The following CFAP69 variants were observed in gnomAD, a reference collection of about 807,000 sequenced individuals.
CFAP69 encodes the protein cilia and flagella associated protein 69, also known as cilia- and flagella-associated protein 69.
CFAP69 carries 92 observed loss-of-function variants against 123.0 expected under a neutral mutation model. The ratio of observed to expected loss-of-function variants is 0.75; its 90% CI spans 0.63 to 0.89. The LOEUF (loss-of-function observed/expected upper bound fraction) is 0.89. CFAP69 is among the 40% of genes least tolerant of loss of function. The probability of loss-of-function intolerance (pLI) is 0.00; values close to 1 mark genes in which losing one functional copy is unlikely to be tolerated. For missense variants in CFAP69, 1,067 were observed against 1,096.9 expected, an observed-to-expected ratio of 0.97 and a Z score of 0.39; for synonymous variants, 380 against 364.3, an observed-to-expected ratio of 1.04 and a Z score of -0.49.
At chr7:90,287,212 A>G (rs376459680) in intron 14 of CFAP69, among the ~76,000 whole-genome samples, 4 of 151,614 alleles carry the variant, frequency 2.6e-5, no homozygotes, top group African/African-American at 9.7e-5. Context: ...CTGTTCCCCT[A>G]TTGATAGATA....
chr7:90,300,417 ATT>A, intron 17 of CFAP69: 1 of 851,088 alleles, frequency 1.2e-6, no homozygotes, highest in Non-Finnish European at 1.4e-6. Context: ...ATATTTTGGT[ATT>A]TTATACATTT....
intron 13 of CFAP69, among the ~76,000 whole-genome samples, chr7:90,285,403 G>A (rs1190080023): frequency 6.6e-6 from 1 of 151,994 alleles, no homozygotes; most frequent in Admixed American, 6.6e-5. Context: ...CTTTAACCGA[G>A]AAAAAGTCAC....
At chr7:90,288,504 C>A in intron 15 of CFAP69, 152 bp downstream of exon 15, 1 of 816,698 alleles carries the variant, frequency 1.2e-6, no homozygotes, top group Non-Finnish European at 1.8e-6. Context: ...ATGGTATAGC[C>A]TACTACACAC....
intron 18 of CFAP69, chr7:90,304,464 A>G: frequency 1.6e-6 from 2 of 1,227,328 alleles, no homozygotes; most frequent in Non-Finnish European, 2.0e-6. Flanking sequence ...AACACTCTTC[A>G]GCTTCTGAAG....
At chr7:90,298,577 AAAATTATTT>A (rs1229354953) in intron 16 of CFAP69, among the ~76,000 whole-genome samples, 2 of 152,220 alleles carry the variant, frequency 1.3e-5, no homozygotes, top group Non-Finnish European at 2.9e-5. Context: ...CAAAAGTGCT[AAAATTATTT>A]GTGCCCCTTA....
At chr7:90,287,246 C>T (rs1214554758) in intron 14 of CFAP69, among the ~76,000 whole-genome samples, 1 of 152,066 alleles carries the variant, frequency 6.6e-6, no homozygotes, top group Non-Finnish European at 1.5e-5. Context: ...TTTTTATTTA[C>T]AGCTATAATG....
downstream of CFAP69, among the ~76,000 whole-genome samples, chr7:90,314,577 C>T (rs565776105): frequency 1.6e-4 from 24 of 149,952 alleles, no homozygotes; most frequent in South Asian, 5.1e-3. Flanking sequence ...TGCAGTGAGC[C>T]GTGATTGCAC....
At position 90,262,009 on chromosome 7, in the gene CFAP69, C is replaced by A. The variant is rs1410333272; in HGVS notation, c.309C>A (p.Asn103Lys). The A allele has an allele frequency of 6.2e-7, 1 of 1,603,460 alleles. No homozygotes were observed. The highest frequency in any genetic ancestry group is 8.5e-7 in the Non-Finnish European group (1 of 1,175,810). Residue 103 changes from asparagine to lysine, a missense_variant, in exon 4 of 23, where the codon AAC becomes AAA. Transcript: ENST00000389297. ...ATCTGTGTTCAGGAAAAATAAAAAA[C>A]CAGCCTCGTTTTATAGAATCTGCAT... is the stretch of plus-strand genomic sequence containing the variant. ...ILNLCSGKIK[N>K]QPRFIESAYD...
intron 21 of CFAP69, among the ~76,000 whole-genome samples, chr7:90,308,819 A>T (rs189923255): frequency 6.6e-6 from 1 of 152,176 alleles, no homozygotes; most frequent in East Asian, 1.9e-4. Flanking sequence ...AATAGCTTAA[A>T]TATAACTGCA....
At chr7:90,302,816 A>G (rs1423445529) in intron 17 of CFAP69, 4 of 152,112 alleles carry the variant, frequency 2.6e-5, no homozygotes, top group East Asian at 1.9e-4. Context: ...TTCTGGTTCC[A>G]TATGATTTTT....
chr7:90,289,811 G>A (rs911334735), intron 15 of CFAP69, among the ~76,000 whole-genome samples: 1 of 152,170 alleles, frequency 6.6e-6, no homozygotes, highest in African/African-American at 2.4e-5. Context: ...GGTGTAAGGT[G>A]AGGTACAAGT....
At chr7:90,288,694 G>A (rs1283690895) in intron 15 of CFAP69, among the ~76,000 whole-genome samples, 1 of 152,104 alleles carries the variant, frequency 6.6e-6, no homozygotes, top group Non-Finnish European at 1.5e-5. Context: ...CTTGTATAGG[G>A]CACTTATAAA....
chr7:90,273,592 A>C (rs1381034322), intron 8 of CFAP69, among the ~76,000 whole-genome samples: 1 of 152,214 alleles, frequency 6.6e-6, no homozygotes, highest in Admixed American at 6.5e-5. Context: ...ACATTCAGGA[A>C]GTATTTTCAT....
intron 13 of CFAP69, among the ~76,000 whole-genome samples, chr7:90,285,097 A>G (rs1048651621): frequency 6.6e-6 from 1 of 152,150 alleles, no homozygotes; most frequent in East Asian, 1.9e-4. Context: ...CCCAGGTAGG[A>G]AGAAGAATGC....
intron 14 of CFAP69, 44 bp downstream of exon 14, chr7:90,286,443 T>A (rs1236328796): frequency 6.3e-7 from 1 of 1,578,026 alleles, no homozygotes; most frequent in Non-Finnish European, 8.6e-7. Context: ...CCCAGTCACC[T>A]AACACTATAA....
chr7:90,290,407 T>C (rs566264045), intron 15 of CFAP69, among the ~76,000 whole-genome samples: 6 of 152,312 alleles, frequency 3.9e-5, no homozygotes, highest in Non-Finnish European at 5.9e-5. Context: ...AGCTCAGCAG[T>C]CAGGCAGAGG....
At position 90,276,948 on chromosome 7, in the gene CFAP69, A is replaced by G. The variant is rs17866983; in HGVS notation, c.985-125A>G. Reference sequence around the variant, plus strand: ...CACTCTTTATTACTATTCATGCTTTATGAATTCAAATGAATGACAGTAGGA... The same window carrying G: ...CACTCTTTATTACTATTCATGCTTTGTGAATTCAAATGAATGACAGTAGGA... On this transcript the variant is annotated intron_variant, in intron 9 of 22. Transcript: ENST00000389297. The G allele has an allele frequency of 6.3e-5, 41 of 655,490 alleles. No individual in the cohort carries two copies. The African/African-American group carries it at 7.0e-4, about 11-fold the overall frequency. 40.6% of individuals were successfully genotyped at this position (655,490 alleles called of 1,614,324 possible).
rs1357355732 is a variant in CFAP69, at chr7:90,297,812, C to G, written c.1839C>G (p.Leu613=). 6.3e-7 allele frequency: 1 copy of G among 1,575,766 alleles called. No individual in the cohort carries two copies. Reference sequence around the variant, plus strand: ...TTCTTGAAAAGGAAGGCATTTTTCTCCTTTTGGATTTGTTAGCAGTAAGTA... The same window carrying G: ...TTCTTGAAAAGGAAGGCATTTTTCTGCTTTTGGATTTGTTAGCAGTAAGTA... ...DYFLEKEGIF[L]LLDLLALNQK... Residue 613 remains leucine, a synonymous_variant, in exon 16 of 23, where the codon CTC becomes CTG. Transcript: ENST00000389297.
At chr7:90,318,885 A>G in the CFAP69 span, 2 of 152,352 alleles carry the variant, frequency 1.3e-5, no homozygotes, top group Admixed American at 6.5e-5. Context: ...TAAATGTAAT[A>G]CTCTCATTTT....
Sources: gnomAD v4.1 joint callset for allele counts (sites outside exome capture counted in the v4.1 genomes callset) on GRCh38, gnomAD v4.1.1 for gene constraint, MANE v1.5 for transcripts, NCBI Gene and HGNC (gene_info 2026-07-23, HGNC 2026-07-21) for gene names.